Variants in LRRC7 observed in about 807,000 individuals in gnomAD.
LRRC7 encodes leucine-rich repeat-containing protein 7.
A neutral mutation model predicts 175.7 loss-of-function variants in LRRC7; 23 were observed. That is an observed-to-expected ratio of 0.13 (90% CI 0.09 to 0.19). The LOEUF (loss-of-function observed/expected upper bound fraction) is 0.19. Among genes scored for constraint, LRRC7 ranks in the 10% least tolerant of loss-of-function variants. The pLI is 1.00. For synonymous variants in LRRC7, 685 were observed against 680.9 expected (o/e 1.01, Z -0.09); for missense variants, 1,354 against 1,904.7 (o/e 0.71, Z 5.38).
At chr1:69,899,551 G>T (rs1646075751) in intron 7 of LRRC7, among the ~76,000 whole-genome samples, 2 of 152,154 alleles carry the variant, frequency 1.3e-5, no homozygotes, top group Non-Finnish European at 1.5e-5. Flanking sequence ...GAGCCATCAG[G>T]TCTCCACTGT....
chr1:69,838,245 C>T lies in LRRC7; in HGVS notation c.609C>T (p.Ile203=), dbSNP rs764781045. 5 of 1,608,906 alleles carry T rather than the reference C, an allele frequency of 3.1e-6. No homozygotes were observed. Among genetic ancestry groups the T allele is most frequent in the Non-Finnish European group, 4.2e-6 (5 of 1,176,530 alleles). ...ANFGRLVKLR[I]LELRENHLKT... ...TCTGTAGACTTGTCAAATTGCGGAT[C>T]TTGGAGTTAAGAGAAAATCACTTGA... The change falls in exon 7 of 27, where the codon ATC becomes ATT. Residue 203 remains isoleucine, a synonymous_variant. Coordinates refer to ENST00000651989, the MANE Select transcript of LRRC7 (RefSeq NM_001370785.2).
intron 7 of LRRC7, among the ~76,000 whole-genome samples, chr1:69,916,239 T>TTA (rs1646710876): frequency 1.5e-5 from 2 of 129,092 alleles, no homozygotes; most frequent in East Asian, 2.1e-4. Flanking sequence ...TAAATATATT[T>TTA]TATATAAAAT....
At chr1:69,704,503 C>T (rs1292000284) in intron 2 of LRRC7, among the ~76,000 whole-genome samples, 1 of 151,856 alleles carries the variant, frequency 6.6e-6, no homozygotes, top group South Asian at 2.1e-4. Context: ...TCTAGAATGG[C>T]TTTTGTATAT....
At chr1:69,642,754 A>G (rs1468285384) in intron 1 of LRRC7, among the ~76,000 whole-genome samples, 3 of 152,104 alleles carry the variant, frequency 2.0e-5, no homozygotes, top group Non-Finnish European at 2.9e-5. Flanking sequence ...TGAAAATTGC[A>G]AAAGTCATTG....
At chr1:69,931,466 A>G in intron 7 of LRRC7, 41 bp from the exon 8 acceptor site, 2 of 1,519,700 alleles carry the variant, frequency 1.3e-6, no homozygotes, top group East Asian at 2.3e-5. Flanking sequence ...GCAATGTATC[A>G]TGCACTACCT....
rs545965707 is a variant in LRRC7, at chr1:69,720,296, G to T, written c.101-39895G>T. ...GCATTCTTATACTGTTCTTATAGTG[G>T]TTACTCTAGAGATTGCACATTCATC... On this transcript the variant is annotated intron_variant, in intron 2 of 26. Transcript: ENST00000651989. 4.5e-4 allele frequency among the ~76,000 whole-genome samples: 68 copies of T among 151,316 alleles called. 1 individual carries two copies. Among genetic ancestry groups the T allele is most frequent in the Admixed American group, 2.6e-4 (4 of 15,156 alleles).
At position 70,136,041 on chromosome 1, in the gene LRRC7, A is replaced by ATC. The variant is rs66494414; in HGVS notation, c.*14166_*14167dup. On this transcript the variant is annotated 3_prime_UTR_variant, in exon 27 of 27. Transcript: ENST00000651989. ...GAGAAATTCAAACTTGGGAATTAAT[A>ATC]TCTCTCTCTCTCTGTGTGTGTCTGT... Among the ~76,000 whole-genome samples the ATC allele has an allele frequency of 5.0e-5, 7 of 140,012 alleles. No homozygotes were observed. The highest frequency in any genetic ancestry group is 1.4e-4 in the African/African-American group (5 of 36,560). 91.9% of individuals were successfully genotyped at this position (140,012 alleles called of 152,430 possible).
rs768313801 is a variant in LRRC7, at chr1:70,038,256, A to G, written c.2432A>G (p.His811Arg). 5.6e-6 allele frequency: 9 copies of G among 1,614,186 alleles called. No homozygotes were observed. In the South Asian group the frequency reaches 9.9e-5, roughly 18 times the overall value. ...ACTGACAACTGGACTGATGGCTCGC[A>G]TTATGACAACACAGGGTTTGTTGCT... ...TFTDNWTDGSHYDNTGFVAEE... is the reference protein window; with the variant it reads ...TFTDNWTDGSRYDNTGFVAEE... The change falls in exon 21 of 27, where the codon CAT (histidine) becomes CGT (arginine). Residue 811 changes from histidine to arginine, a missense_variant. By Grantham distance (29) the His-to-Arg change is conservative. This residue lies in a region of LRRC7 where 1,032 missense variants were observed against 1,227.2 expected (regional missense o/e 0.84). Transcript: ENST00000651989.
At chr1:70,010,320 C>T (rs913973032) in intron 11 of LRRC7, among the ~76,000 whole-genome samples, 28 of 152,320 alleles carry the variant, frequency 1.8e-4, no homozygotes, top group African/African-American at 5.1e-4. Flanking sequence ...AATCCCAGCA[C>T]TTTGGGAGGC....
At chr1:69,881,792 A>T (rs1211867705) in intron 7 of LRRC7, among the ~76,000 whole-genome samples, 2 of 151,644 alleles carry the variant, frequency 1.3e-5, no homozygotes, top group Non-Finnish European at 2.9e-5. Flanking sequence ...AGGTGGGAGG[A>T]TCACTGAAAC....
chr1:69,927,568 T>C lies in LRRC7; in HGVS notation c.648-3939T>C, dbSNP rs1292692191. ...TTCATTTCATTCATTTCATCTTCCATCACTGATACCCTTTCTTCCAGTTGA... is the reference window on the plus strand; with the variant it reads ...TTCATTTCATTCATTTCATCTTCCACCACTGATACCCTTTCTTCCAGTTGA... On this transcript the variant is annotated intron_variant, in intron 7 of 26. Transcript: ENST00000651989. Among the ~76,000 whole-genome samples the C allele has an allele frequency of 2.6e-5, 4 of 152,222 alleles. No homozygotes were observed. In the South Asian group the frequency reaches 6.2e-4, roughly 24 times the overall value.
Position 70,095,970 on chromosome 1 carries a change from T to G in LRRC7, c.4545+6151T>G, listed in dbSNP as rs188890930. ...ACACATATATGCATGTTGTTTTTTT[T>G]GTTTTTTTTTGTTTTTTGTTTTTTG... is the stretch of plus-strand genomic sequence containing the variant. On this transcript the variant is annotated intron_variant, in intron 25 of 26. Coordinates refer to ENST00000651989, the MANE Select transcript of LRRC7 (RefSeq NM_001370785.2). Among the ~76,000 whole-genome samples, 1,197 of 152,046 alleles carry G rather than the reference T, an allele frequency of 7.9e-3. 21 individuals are homozygous for G. Among genetic ancestry groups the G allele is most frequent in the African/African-American group, 0.028 (1,148 of 41,510 alleles).
intron 1 of LRRC7, among the ~76,000 whole-genome samples, chr1:69,623,088 G>T (rs1336995077): frequency 6.6e-6 from 1 of 152,130 alleles, no homozygotes; most frequent in Non-Finnish European, 1.5e-5. Context: ...GAGAGAAAAA[G>T]CCTTTTACCC....
chr1:69,829,588 A>C (rs1257240353), intron 5 of LRRC7, among the ~76,000 whole-genome samples: 1 of 146,352 alleles, frequency 6.8e-6, no homozygotes, highest in African/African-American at 2.5e-5. Flanking sequence ...GTATTTGTAC[A>C]TACCACTTTT....
At chr1:69,675,212 C>T (rs1659604452) in intron 1 of LRRC7, among the ~76,000 whole-genome samples, 1 of 152,092 alleles carries the variant, frequency 6.6e-6, no homozygotes, top group Admixed American at 6.6e-5. Flanking sequence ...AAAATACAAC[C>T]TCTGAACACC....
At chr1:69,658,600 A>G (rs1426372542) in intron 1 of LRRC7, among the ~76,000 whole-genome samples, 1 of 151,980 alleles carries the variant, frequency 6.6e-6, no homozygotes. Flanking sequence ...TATTCTTTGG[A>G]GTAAAATACA....
chr1:70,131,687 G>A lies in LRRC7; in HGVS notation c.*9800G>A, dbSNP rs1319650220. On this transcript the variant is annotated 3_prime_UTR_variant, in exon 27 of 27. Coordinates refer to ENST00000651989, the MANE Select transcript of LRRC7 (RefSeq NM_001370785.2). Reference sequence around the variant, plus strand: ...AGATAAAGTCATAGTATATCTTGAAGGAAACAGCCACCATTGCTGTCTTTG... The same window carrying A: ...AGATAAAGTCATAGTATATCTTGAAAGAAACAGCCACCATTGCTGTCTTTG... Among the ~76,000 whole-genome samples, 1 of 152,084 alleles carries A rather than the reference G, an allele frequency of 6.6e-6. No homozygotes were observed. The highest frequency in any genetic ancestry group is 1.9e-4 in the East Asian group (1 of 5,186).
At chr1:69,604,446 G>A (rs1264599116) in intron 1 of LRRC7, among the ~76,000 whole-genome samples, 7 of 152,164 alleles carry the variant, frequency 4.6e-5, no homozygotes, top group Admixed American at 4.6e-4. Context: ...CTTGATTGGT[G>A]AGAGGCAGAT....
chr1:69,888,983 T>G (rs1474770770), intron 7 of LRRC7, among the ~76,000 whole-genome samples: 1 of 152,264 alleles, frequency 6.6e-6, no homozygotes, highest in East Asian at 1.9e-4. Context: ...ATGAAACTAT[T>G]GTTTTCCACT....
Sources: allele counts gnomAD v4.1 joint callset (sites outside exome capture counted in the v4.1 genomes callset), GRCh38; gene constraint gnomAD v4.1.1; regional missense constraint gnomAD v4.1.1; transcripts MANE v1.5; gene names NCBI Gene and HGNC (gene_info 2026-07-23, HGNC 2026-07-21).